The following SCFD2 variants were observed in gnomAD, a reference collection of about 807,000 sequenced individuals.
SCFD2 encodes sec1 family domain containing 2, also known as sec1 family domain-containing protein 2.
Under a neutral mutation model 58.9 loss-of-function variants are expected in SCFD2, and 54 were observed. The observed-to-expected ratio is 0.92, with a 90% CI of 0.74 to 1.15. SCFD2 has a LOEUF of 1.15. Among genes scored for constraint, SCFD2 ranks in the 50% most tolerant of loss-of-function variants. The pLI is 0.00. For synonymous variants in SCFD2, 321 were observed against 335.9 expected, an observed-to-expected ratio of 0.96 and a Z score of 0.49; for missense variants, 805 against 836.6, an observed-to-expected ratio of 0.96 and a Z score of 0.47.
chr4:52,959,687 T>C (rs1055726021), intron 5 of SCFD2, among the ~76,000 whole-genome samples: 1 of 152,184 alleles, frequency 6.6e-6, no homozygotes, highest in Admixed American at 6.5e-5. Context: ...CTAAAATGTT[T>C]AAACCATGCC....
chr4:53,222,445 C>T (rs1729075797), intron 4 of SCFD2, among the ~76,000 whole-genome samples: 1 of 152,160 alleles, frequency 6.6e-6, no homozygotes, highest in Non-Finnish European at 1.5e-5. Context: ...GATATCTGTG[C>T]ATGATAAATT....
intron 5 of SCFD2, among the ~76,000 whole-genome samples, chr4:52,983,176 C>T (rs915047413): frequency 2.2e-4 from 33 of 152,166 alleles, no homozygotes; most frequent in East Asian, 1.9e-4. Flanking sequence ...CAGAGGGGCA[C>T]GATAACTCTT....
intron 4 of SCFD2, among the ~76,000 whole-genome samples, chr4:53,215,570 A>G (rs1344333921): frequency 6.6e-6 from 1 of 152,132 alleles, no homozygotes; most frequent in African/African-American, 2.4e-5. Flanking sequence ...TTTTCTAGAT[A>G]TACATTCATG....
intron 3 of SCFD2, among the ~76,000 whole-genome samples, chr4:53,287,076 C>G (rs576256938): frequency 9.2e-5 from 14 of 152,286 alleles, no homozygotes; most frequent in Non-Finnish European, 1.6e-4. Context: ...ACCCCTAGGA[C>G]CAGAGTCACA....
At chr4:53,196,311 G>A (rs570072722) in intron 4 of SCFD2, among the ~76,000 whole-genome samples, 4 of 152,244 alleles carry the variant, frequency 2.6e-5, no homozygotes, top group African/African-American at 9.6e-5. Context: ...ATGCTGGCGT[G>A]TCTTCAAACA....
At chr4:53,218,150 T>C (rs1393035077) in intron 4 of SCFD2, among the ~76,000 whole-genome samples, 4 of 152,176 alleles carry the variant, frequency 2.6e-5, no homozygotes, top group African/African-American at 9.7e-5. Flanking sequence ...GGAGTATCTT[T>C]GTGTCATTCT....
chr4:53,113,866 CATTATTTCTTCTCACTGTTGTAAGAA>C (rs1253754793), intron 5 of SCFD2, among the ~76,000 whole-genome samples: 3 of 151,442 alleles, frequency 2.0e-5, no homozygotes, highest in Non-Finnish European at 4.4e-5. Flanking sequence ...TGTGAGAAGG[CATTATTTCTTCTCACTGTTGTAAGAA>C]ATTATTTCTT....
intron 3 of SCFD2, among the ~76,000 whole-genome samples, chr4:53,283,491 G>A (rs1265897957): frequency 6.6e-6 from 1 of 152,126 alleles, no homozygotes; most frequent in Non-Finnish European, 1.5e-5. Context: ...GGAACTATTG[G>A]ATGGGTGAGT....
At chr4:53,075,955 A>T (rs1723960097) in intron 5 of SCFD2, among the ~76,000 whole-genome samples, 1 of 152,204 alleles carries the variant, frequency 6.6e-6, no homozygotes, top group Non-Finnish European at 1.5e-5. Flanking sequence ...TTTAATTTGT[A>T]AAAACAAAAC....
At chr4:53,000,630 C>A (rs1721842496) in intron 5 of SCFD2, among the ~76,000 whole-genome samples, 1 of 152,180 alleles carries the variant, frequency 6.6e-6, no homozygotes, top group Non-Finnish European at 1.5e-5. Context: ...ATCACGTTAC[C>A]CAGAGTCTTG....
At chr4:52,916,952 C>T (rs1719624690) in intron 6 of SCFD2, among the ~76,000 whole-genome samples, 1 of 152,114 alleles carries the variant, frequency 6.6e-6, no homozygotes, top group South Asian at 2.1e-4. Flanking sequence ...GGCTAGAGTA[C>T]AGTAGCAAAA....
intron 7 of SCFD2, among the ~76,000 whole-genome samples, chr4:52,898,209 T>G (rs918754021): frequency 1.3e-5 from 2 of 152,224 alleles, no homozygotes; most frequent in African/African-American, 4.8e-5. Context: ...TGAATGTGTT[T>G]GCTCTTGCTT....
At chr4:53,205,294 C>T (rs1370274573) in intron 4 of SCFD2, among the ~76,000 whole-genome samples, 1 of 152,030 alleles carries the variant, frequency 6.6e-6, no homozygotes, top group Non-Finnish European at 1.5e-5. Context: ...ACCTCTGTAC[C>T]ACCTTTTTTT....
At chr4:53,305,283 T>TA (rs1732478404) in intron 3 of SCFD2, among the ~76,000 whole-genome samples, 1 of 152,182 alleles carries the variant, frequency 6.6e-6, no homozygotes, top group Non-Finnish European at 1.5e-5. Context: ...TTTCACATCT[T>TA]ACATTTAGGT....
chr4:53,065,684 T>A (rs1483821047), intron 5 of SCFD2, among the ~76,000 whole-genome samples: 1 of 152,024 alleles, frequency 6.6e-6, no homozygotes, highest in Non-Finnish European at 1.5e-5. Context: ...AAATGATAAT[T>A]TTTTTCCCAT....
At chr4:53,295,222 T>C (rs1003684522) in intron 3 of SCFD2, among the ~76,000 whole-genome samples, 1 of 152,262 alleles carries the variant, frequency 6.6e-6, no homozygotes, top group African/African-American at 2.4e-5. Context: ...ATCTATAAAT[T>C]ACTGTGGGCA....
At chr4:53,265,619 G>A (rs1315339473) in intron 4 of SCFD2, 1 of 151,764 alleles carries the variant, frequency 6.6e-6, no homozygotes, top group Non-Finnish European at 1.5e-5. Context: ...TTGACAAAAA[G>A]GTCAGTTGTT....
chr4:53,212,574 A>AAGTGTG lies in SCFD2; in HGVS notation c.1311+61251_1311+61252insCACACT, dbSNP rs1560387939. 6.7e-3 allele frequency among the ~76,000 whole-genome samples: 508 copies of AAGTGTG among 75,818 alleles called. 7 individuals carry two copies. Among genetic ancestry groups the AAGTGTG allele is most frequent in the African/African-American group, 0.027 (492 of 18,000 alleles). The allele number at this position is 75,818 out of a possible 152,430, so 49.7% of individuals were successfully genotyped here. A position where few individuals can be genotyped will look rare whatever the true frequency, so the allele number is the denominator to read the frequency against. On this transcript the variant is annotated intron_variant, in intron 4 of 8. Coordinates refer to ENST00000401642, the MANE Select transcript of SCFD2 (RefSeq NM_152540.4). Reference sequence around the variant, plus strand: ...TAAGAGAGAGAGGAAGAAAGTGAGCACGTGTGTGTGTGTGTGTGTGTGTGT... The same window carrying AAGTGTG: ...TAAGAGAGAGAGGAAGAAAGTGAGCAAGTGTGCGTGTGTGTGTGTGTGTGTGTGTGT...
chr4:53,178,364 C>A (rs1265038797), intron 4 of SCFD2, among the ~76,000 whole-genome samples: 1 of 152,184 alleles, frequency 6.6e-6, no homozygotes, highest in Non-Finnish European at 1.5e-5. Flanking sequence ...TCTGCAGCCA[C>A]CACTGATGAT....
Sources: allele counts gnomAD v4.1 joint callset (sites outside exome capture counted in the v4.1 genomes callset), GRCh38; gene constraint gnomAD v4.1.1; transcripts MANE v1.5; gene names NCBI Gene and HGNC (gene_info 2026-07-23, HGNC 2026-07-21).